The following HTR1F variants were observed in gnomAD, a reference collection of about 807,000 sequenced individuals.
HTR1F encodes 5-hydroxytryptamine receptor 1F.
Under a neutral mutation model 24.0 loss-of-function variants are expected in HTR1F, and 17 were observed. The observed-to-expected ratio is 0.71, with a 90% CI of 0.48 to 1.06. HTR1F has a LOEUF of 1.06. Ranked by LOEUF, HTR1F falls within the 50% of genes least tolerant of loss-of-function variation. The probability of loss-of-function intolerance (pLI) is 0.00; values close to 1 mark genes in which losing one functional copy is unlikely to be tolerated. For synonymous variants in HTR1F, 186 were observed against 156.8 expected (o/e 1.19, Z -1.39); for missense variants, 391 against 427.8 (o/e 0.91, Z 0.76).
intron 2 of HTR1F, among the ~76,000 whole-genome samples, chr3:87,867,018 A>T (rs1705445018): frequency 6.6e-6 from 1 of 151,942 alleles, no homozygotes; most frequent in Admixed American, 6.6e-5. Context: ...TACTGATGCA[A>T]TATGATGGTT....
Position 87,843,756 on chromosome 3 carries a change from CT to C in HTR1F, c.-43+21633del, listed in dbSNP as rs561450632. ...TGTGATCTCATTGTTCAGTTCCCAC[CT>C]ATGAGTGAGAATATGCGGTGTTTGG... On this transcript the variant is annotated intron_variant, in intron 2 of 2. Coordinates refer to ENST00000319595, the MANE Select transcript of HTR1F (RefSeq NM_001322209.2). Among the ~76,000 whole-genome samples the C allele has an allele frequency of 8.4e-4, 126 of 149,788 alleles. 5 individuals are homozygous for C. The highest frequency in any genetic ancestry group is 2.9e-3 in the African/African-American group (115 of 40,098).
chr3:87,830,122 G>A (rs1704545627), intron 2 of HTR1F, among the ~76,000 whole-genome samples: 1 of 152,014 alleles, frequency 6.6e-6, no homozygotes, highest in African/African-American at 2.4e-5. Flanking sequence ...AAATCTTCTT[G>A]GGTAGTTAAA....
At chr3:87,920,842 A>G (rs371752863) in intron 2 of HTR1F, among the ~76,000 whole-genome samples, 1 of 152,044 alleles carries the variant, frequency 6.6e-6, no homozygotes, top group East Asian at 1.9e-4. Context: ...TACCTATATA[A>G]CAAACCCTGA....
intron 2 of HTR1F, among the ~76,000 whole-genome samples, chr3:87,937,493 A>G (rs1187403477): frequency 6.6e-6 from 1 of 152,162 alleles, no homozygotes; most frequent in Non-Finnish European, 1.5e-5. Flanking sequence ...TCTATGACAA[A>G]CCCACAGCCA....
At chr3:87,835,433 T>A (rs1337996833) in intron 2 of HTR1F, among the ~76,000 whole-genome samples, 1 of 152,208 alleles carries the variant, frequency 6.6e-6, no homozygotes, top group African/African-American at 2.4e-5. Context: ...TCAAAATGGT[T>A]ATACTTCGAT....
At chr3:87,876,413 T>C (rs1705673951) in intron 2 of HTR1F, among the ~76,000 whole-genome samples, 1 of 152,194 alleles carries the variant, frequency 6.6e-6, no homozygotes, top group Admixed American at 6.5e-5. Context: ...GGTATATTCA[T>C]ACAAGGGAAT....
chr3:87,844,891 T>TCTGTTTTGGTACCAGTACCTACCATG (rs1704903214), intron 2 of HTR1F, among the ~76,000 whole-genome samples: 4 of 151,766 alleles, frequency 2.6e-5, no homozygotes, highest in African/African-American at 9.7e-5. Context: ...GATCTATATC[T>TCTGTTTTGGTACCAGTACCTACCATG]CTGTTTTGGT....
chr3:87,987,142 AATAG>A lies in HTR1F; in HGVS notation c.-42-3562_-42-3559del, dbSNP rs897170434. Among the ~76,000 whole-genome samples the A allele has an allele frequency of 5.4e-3, 739 of 137,680 alleles. 4 individuals are homozygous for A. Among genetic ancestry groups the A allele is most frequent in the African/African-American group, 0.019 (720 of 37,870 alleles). 90.3% of individuals were successfully genotyped at this position (137,680 alleles called of 152,430 possible). A position where few individuals can be genotyped will look rare whatever the true frequency, so the allele number is the denominator to read the frequency against. On this transcript the variant is annotated intron_variant, in intron 2 of 2. Coordinates refer to ENST00000319595, the MANE Select transcript of HTR1F (RefSeq NM_001322209.2). ...ATAAAAATAAAATAAAATAAAATAAAATAGATAAACAAATAAACACCATTCCAAA... is the reference window on the plus strand; with the variant it reads ...ATAAAAATAAAATAAAATAAAATAAAATAAACAAATAAACACCATTCCAAA...
At chr3:87,908,877 T>C (rs1287241297) in intron 2 of HTR1F, among the ~76,000 whole-genome samples, 1 of 152,108 alleles carries the variant, frequency 6.6e-6, no homozygotes, top group African/African-American at 2.4e-5. Flanking sequence ...ATGGTTTATT[T>C]TGTTCTTTTT....
At position 87,801,323 on chromosome 3, in the gene HTR1F, T is replaced by C. The variant is rs1306183163; in HGVS notation, c.-160+8481T>C. On this transcript the variant is annotated intron_variant, in intron 1 of 2. Coordinates refer to ENST00000319595, the MANE Select transcript of HTR1F (RefSeq NM_001322209.2). The stretch of plus-strand genomic sequence containing the variant: ...GTATACCAGTGTAGTAGCACACTTA[T>C]AGTGAAAATTAGTGGAGTAAAATCT... Among the ~76,000 whole-genome samples, 8 of 152,298 alleles carry C rather than the reference T, an allele frequency of 5.3e-5. No individual in the cohort carries two copies. In the East Asian group the frequency reaches 1.5e-3, roughly 29 times the overall value.
At chr3:87,876,744 TTGTC>T (rs1303219860) in intron 2 of HTR1F, among the ~76,000 whole-genome samples, 2 of 152,142 alleles carry the variant, frequency 1.3e-5, no homozygotes, top group Non-Finnish European at 2.9e-5. Flanking sequence ...AAGGTGAAAA[TTGTC>T]TGTAGAGCTA....
chr3:87,992,008 A>C lies in HTR1F; in HGVS notation c.*158A>C. 1.8e-6 allele frequency: 1 copy of C among 563,068 alleles called. No homozygotes were observed. Among genetic ancestry groups the C allele is most frequent in the Non-Finnish European group, 3.0e-6 (1 of 331,658 alleles). The allele number at this position is 563,068 out of a possible 1,614,324, so 34.9% of individuals were successfully genotyped here. A position where few individuals can be genotyped will look rare whatever the true frequency, so the allele number is the denominator to read the frequency against. On this transcript the variant is annotated 3_prime_UTR_variant, in exon 3 of 3. Transcript: ENST00000319595. ...TATATTTTAATAGCAATGTGAATAT[A>C]AAAGTTATTGATCACCACTATTCTA...
chr3:87,875,929 A>G (rs1402270862), intron 2 of HTR1F, among the ~76,000 whole-genome samples: 69 of 152,024 alleles, frequency 4.5e-4, no homozygotes, highest in African/African-American at 1.6e-3. Context: ...GTCTCAAAAA[A>G]AAAAAAAAAA....
intron 2 of HTR1F, among the ~76,000 whole-genome samples, chr3:87,929,906 A>G (rs1171893358): frequency 1.3e-5 from 2 of 152,204 alleles, no homozygotes; most frequent in African/African-American, 4.8e-5. Context: ...GGCCAGTTTA[A>G]TAATACTGAT....
intron 2 of HTR1F, among the ~76,000 whole-genome samples, chr3:87,937,081 C>A (rs1362663246): frequency 2.4e-5 from 2 of 83,468 alleles, no homozygotes; most frequent in Non-Finnish European, 2.2e-5. Flanking sequence ...GTTGAAACTA[C>A]CCAAAAAAAA....
At chr3:87,921,734 C>T (rs914848734) in intron 2 of HTR1F, among the ~76,000 whole-genome samples, 1 of 151,830 alleles carries the variant, frequency 6.6e-6, no homozygotes, top group Admixed American at 6.6e-5. Context: ...CCTCGCTACC[C>T]TTCCCAGGCT....
chr3:87,947,288 T>A, intron 2 of HTR1F, among the ~76,000 whole-genome samples: 1 of 152,300 alleles, frequency 6.6e-6, no homozygotes, highest in South Asian at 2.1e-4. Flanking sequence ...CTTATTAACT[T>A]AAATGTTAAA....
intron 2 of HTR1F, among the ~76,000 whole-genome samples, chr3:87,973,843 C>G (rs887497684): frequency 6.6e-6 from 1 of 152,066 alleles, no homozygotes; most frequent in East Asian, 1.9e-4. Flanking sequence ...ACCGACGGCA[C>G]GCTTAAATTA....
At chr3:87,825,277 C>T (rs1338897414) in intron 2 of HTR1F, among the ~76,000 whole-genome samples, 7 of 152,100 alleles carry the variant, frequency 4.6e-5, no homozygotes, top group African/African-American at 1.7e-4. Context: ...TCAGAGCTGT[C>T]CTGACCTTAC....
Sources: gnomAD v4.1 joint callset for allele counts (sites outside exome capture counted in the v4.1 genomes callset) on GRCh38, gnomAD v4.1.1 for gene constraint, MANE v1.5 for transcripts, NCBI Gene and HGNC (gene_info 2026-07-23, HGNC 2026-07-21) for gene names.